NPRL3: variants seen among roughly 807,000 people sequenced by gnomAD.
NPRL3 encodes the protein GATOR1 complex protein NPRL3.
Under a neutral mutation model 57.2 loss-of-function variants are expected in NPRL3, and 23 were observed. The ratio of observed to expected loss-of-function variants is 0.40; its 90% CI spans 0.29 to 0.57. NPRL3 has a LOEUF of 0.57. NPRL3 is among the 20% of genes least tolerant of loss of function. The probability of loss-of-function intolerance (pLI) is 0.42; values close to 1 mark genes in which losing one functional copy is unlikely to be tolerated. For missense variants in NPRL3, 691 were observed against 767.1 expected, an observed-to-expected ratio of 0.90 and a Z score of 1.17; for synonymous variants, 333 against 321.1, an observed-to-expected ratio of 1.04 and a Z score of -0.39.
At chr16:119,577 A>G (rs1434101365) in intron 3 of NPRL3, among the ~76,000 whole-genome samples, 1 of 152,246 alleles carries the variant, frequency 6.6e-6, no homozygotes, top group Non-Finnish European at 1.5e-5. Context: ...TGGAGCCGGC[A>G]CTGCCCTGCG....
At position 85,641 on chromosome 16, in the gene NPRL3, C is replaced by T. The variant is rs755957305; in HGVS notation, c.*1064G>A. The T allele has an allele frequency of 8.6e-5, 137 of 1,592,608 alleles. No individual in the cohort carries two copies. The highest frequency in any genetic ancestry group is 1.1e-4 in the Non-Finnish European group (126 of 1,165,116). The stretch of plus-strand genomic sequence containing the variant: ...CGTGGTCCCCTGGAGCCCAGTGAGC[C>T]GGCTGTAGTGGCAGCAGCCCGGGTG... On this transcript the variant is annotated 3_prime_UTR_variant, in exon 14 of 14. Coordinates refer to ENST00000611875, the MANE Select transcript of NPRL3 (RefSeq NM_001077350.3).
chr16:114,936 T>G (rs216093), intron 5 of NPRL3, among the ~76,000 whole-genome samples: 134,329 of 151,300 alleles, frequency 0.89, 59,757 homozygotes, highest in African/African-American at 0.94. Flanking sequence ...GCTCTCTCTA[T>G]TTCAGGGTTT....
intron 3 of NPRL3, among the ~76,000 whole-genome samples, chr16:127,683 C>G (rs1259229292): frequency 1.4e-5 from 2 of 145,804 alleles, no homozygotes; most frequent in Non-Finnish European, 3.0e-5. Context: ...GAGACGGAGT[C>G]TCACTCTGTT....
At chr16:104,921 G>A (rs1317989784) in intron 7 of NPRL3, among the ~76,000 whole-genome samples, 1 of 152,236 alleles carries the variant, frequency 6.6e-6, no homozygotes, top group African/African-American at 2.4e-5. Flanking sequence ...AGGGGAAAGA[G>A]AAAGGTTTGT....
intron 13 of NPRL3, among the ~76,000 whole-genome samples, chr16:87,295 G>C (rs972125642): frequency 6.6e-6 from 1 of 151,770 alleles, no homozygotes; most frequent in Non-Finnish European, 1.5e-5. Context: ...GCAGTGGCTC[G>C]ATCTCAGCTC....
At chr16:93,636 C>T (rs1255232973) in intron 9 of NPRL3, among the ~76,000 whole-genome samples, 1 of 151,216 alleles carries the variant, frequency 6.6e-6, no homozygotes, top group Non-Finnish European at 1.5e-5. Context: ...ACAATCTCAG[C>T]TCACTGCAAC....
chr16:98,130 C>T lies in NPRL3; in HGVS notation c.924+15G>A, dbSNP rs1453341430. 6.2e-7 allele frequency: 1 copy of T among 1,610,070 alleles called. No homozygotes were observed. ...CACCGCCACATGCCACCCATCTGGG[C>T]CTCCAGAGCTATACCTGCAGCAAGG... On this transcript the variant is annotated intron_variant, in intron 9 of 13. Coordinates refer to ENST00000611875, the MANE Select transcript of NPRL3 (RefSeq NM_001077350.3).
chr16:92,682 G>A lies in NPRL3; in HGVS notation c.1075C>T (p.His359Tyr). Residue 359 changes from histidine to tyrosine, a missense_variant, in exon 11 of 14, where the codon CAT becomes TAT. Coordinates refer to ENST00000611875, the MANE Select transcript of NPRL3 (RefSeq NM_001077350.3). ...TTGGCAAGAACGGACGGCAGGTCAT[G>A]AGATGGGAACTGGTGGGAGAACTGC... ...AEQFSHQFPS[H>Y]DLPSVLAKFS... is the part of the protein sequence containing the mutation. 6.2e-7 allele frequency: 1 copy of A among 1,613,878 alleles called. No individual in the cohort carries two copies. Among genetic ancestry groups the A allele is most frequent in the Non-Finnish European group, 8.5e-7 (1 of 1,179,836 alleles).
At chr16:114,393 G>A (rs894143994) in intron 5 of NPRL3, among the ~76,000 whole-genome samples, 5 of 152,184 alleles carry the variant, frequency 3.3e-5, no homozygotes, top group African/African-American at 1.2e-4. Context: ...CACCATACAC[G>A]ACATAAAGTG....
At chr16:107,464 T>A (rs953432492) in intron 7 of NPRL3, among the ~76,000 whole-genome samples, 4 of 151,858 alleles carry the variant, frequency 2.6e-5, no homozygotes, top group African/African-American at 9.7e-5. Flanking sequence ...GCCAATATGG[T>A]GAAACCCCAT....
intron 13 of NPRL3, 138 bp downstream of exon 13, chr16:88,560 C>T: frequency 1.2e-6 from 1 of 812,232 alleles, no homozygotes; most frequent in Non-Finnish European, 1.9e-6. Context: ...CCCTACACAC[C>T]TGAATGCAGA....
intron 7 of NPRL3, among the ~76,000 whole-genome samples, chr16:105,122 A>C (rs990704264): frequency 3.3e-5 from 5 of 152,174 alleles, no homozygotes. Flanking sequence ...TGGGCCAGCC[A>C]AGAGGGCCCA....
chr16:119,067 T>C lies in NPRL3; in HGVS notation c.318+59A>G. ...ACACCTGCCCAAGGAGAGCCACACC[T>C]GCCCAAGGAGAGCCACATCTGCCCA... is the stretch of plus-strand genomic sequence containing the variant. On this transcript the variant is annotated intron_variant, in intron 4 of 13. Coordinates refer to ENST00000611875, the MANE Select transcript of NPRL3 (RefSeq NM_001077350.3). 7 of 1,593,848 alleles carry C rather than the reference T, an allele frequency of 4.4e-6. No homozygotes were observed. The South Asian group carries it at 6.7e-5, about 15-fold the overall frequency.
chr16:93,836 C>T (rs1484274946), intron 9 of NPRL3, among the ~76,000 whole-genome samples: 3 of 152,242 alleles, frequency 2.0e-5, no homozygotes, highest in Admixed American at 2.0e-4. Flanking sequence ...GCTGGGATTA[C>T]AGGCATGAGC....
chr16:120,530 C>A (rs1249065166), intron 3 of NPRL3, among the ~76,000 whole-genome samples: 1 of 152,182 alleles, frequency 6.6e-6, no homozygotes, highest in Non-Finnish European at 1.5e-5. Context: ...GGGGCTCAGA[C>A]TGTTTTCCAG....
intron 2 of NPRL3, among the ~76,000 whole-genome samples, chr16:134,602 A>G (rs2141988479): frequency 6.6e-6 from 1 of 152,304 alleles, no homozygotes; most frequent in African/African-American, 2.4e-5. Context: ...GAAAAATAAT[A>G]AAGCACAGCC....
At position 92,689 on chromosome 16, in the gene NPRL3, G is replaced by C. The variant is rs1229321872; in HGVS notation, c.1068C>G (p.Phe356Leu). The C allele has an allele frequency of 3.1e-6, 5 of 1,613,736 alleles. No homozygotes were observed. The African/African-American group carries it at 6.7e-5, about 22-fold the overall frequency. The stretch of plus-strand genomic sequence containing the variant: ...GAACGGACGGCAGGTCATGAGATGG[G>C]AACTGGTGGGAGAACTGCTCGGCCA... ...SPLAEQFSHQ[F>L]PSHDLPSVLA... The change falls in exon 11 of 14, where the codon TTC becomes TTG. Residue 356 changes from phenylalanine (F) to leucine (L), a missense_variant. Phe to Leu is a conservative substitution (Grantham distance 22). Coordinates refer to ENST00000611875, the MANE Select transcript of NPRL3 (RefSeq NM_001077350.3).
chr16:112,763 G>T lies in NPRL3; in HGVS notation c.406C>A (p.Pro136Thr), dbSNP rs769482319. Reference sequence around the variant, plus strand: ...TTATGCAGACAGTTTATCACTGACGGGTCTGCGTTGGCCTGCAGGAGAGAG... The same window carrying T: ...TTATGCAGACAGTTTATCACTGACGTGTCTGCGTTGGCCTGCAGGAGAGAG... ...VVFALRANAD[P>T]SVINCLHNLS... The change falls in exon 6 of 14, where the codon CCG becomes ACG. Residue 136 changes from proline (P) to threonine (T), a missense_variant. Transcript: ENST00000611875. The T allele has an allele frequency of 6.2e-7, 1 of 1,601,760 alleles. No individual in the cohort carries two copies. The highest frequency in any genetic ancestry group is 2.2e-5 in the East Asian group (1 of 44,654).
At chr16:130,704 A>C in intron 2 of NPRL3, 113 bp from the exon 3 acceptor site, 1 of 938,952 alleles carries the variant, frequency 1.1e-6, no homozygotes, top group South Asian at 1.5e-5. Flanking sequence ...TGTCCATACC[A>C]TGGAATATTA....
Sources: allele counts gnomAD v4.1 joint callset (sites outside exome capture counted in the v4.1 genomes callset), GRCh38; gene constraint gnomAD v4.1.1; transcripts MANE v1.5; gene names NCBI Gene and HGNC (gene_info 2026-07-23, HGNC 2026-07-21).